The following METTL15 variants were observed in gnomAD, a reference collection of about 807,000 sequenced individuals.
METTL15 encodes methyltransferase 15, mitochondrial 12S rRNA N4-cytidine.
Under a neutral mutation model 38.3 loss-of-function variants are expected in METTL15, and 34 were observed. The ratio of observed to expected loss-of-function variants is 0.89; its 90% CI spans 0.68 to 1.18. The LOEUF (loss-of-function observed/expected upper bound fraction) is 1.18, where lower values mean the gene tolerates loss of function less well. Ranked by LOEUF, METTL15 falls within the 50% of genes most tolerant of loss-of-function variation. METTL15 has a pLI of 0.00. For missense variants in METTL15, 438 were observed against 498.4 expected (o/e 0.88, Z 1.15); for synonymous variants, 162 against 170.9 (o/e 0.95, Z 0.41).
chr11:28,394,359 T>C (rs1342384517), intron 5 of METTL15, among the ~76,000 whole-genome samples: 1 of 152,110 alleles, frequency 6.6e-6, no homozygotes, highest in Non-Finnish European at 1.5e-5. Context: ...TGCTGAGGGA[T>C]GTGAGTGAAC....
At chr11:28,137,795 T>G (rs1030192544) in intron 3 of METTL15, among the ~76,000 whole-genome samples, 1 of 152,172 alleles carries the variant, frequency 6.6e-6, no homozygotes, top group Non-Finnish European at 1.5e-5. Context: ...TTTATTTTTT[T>G]TTTTTCAAAA....
At chr11:28,203,104 T>C (rs1028039385) in intron 3 of METTL15, among the ~76,000 whole-genome samples, 2 of 152,108 alleles carry the variant, frequency 1.3e-5, no homozygotes, top group Non-Finnish European at 2.9e-5. Flanking sequence ...GGTATGAAAG[T>C]ATAGAGCTAT....
chr11:28,304,366 C>G (rs78032293), intron 6 of METTL15, among the ~76,000 whole-genome samples: 88 of 152,240 alleles, frequency 5.8e-4, no homozygotes, highest in African/African-American at 2.1e-3. Context: ...AAACCATCAT[C>G]TTTTTTCAGC....
In METTL15 at chr11:28,524,265, C is replaced by A. The variant is rs893827240; in HGVS notation, c.*425-2213C>A. Among the ~76,000 whole-genome samples, 4 of 152,188 alleles carry A rather than the reference C, an allele frequency of 2.6e-5. No homozygotes were observed. In the East Asian group the frequency reaches 5.8e-4, roughly 22 times the overall value. Reference sequence around the variant, plus strand: ...TGAAATCTAAAGAGGTTTTGAGTAACAGTGACTCATGCAGATAGAGCTCTG... The same window carrying A: ...TGAAATCTAAAGAGGTTTTGAGTAAAAGTGACTCATGCAGATAGAGCTCTG... On this transcript the variant is annotated intron_variant and NMD_transcript_variant, in intron 6 of 7. Transcript: ENST00000532947.
At chr11:28,351,810 AG>A (rs1850043984) in intron 3 of METTL15, among the ~76,000 whole-genome samples, 2 of 152,360 alleles carry the variant, frequency 1.3e-5, no homozygotes, top group South Asian at 4.1e-4. Context: ...TCTTAAAGAA[AG>A]AAAGCTCACA....
At chr11:28,428,341 A>T (rs1010539593) in intron 6 of METTL15, among the ~76,000 whole-genome samples, 4 of 152,180 alleles carry the variant, frequency 2.6e-5, no homozygotes, top group African/African-American at 7.2e-5. Flanking sequence ...ATATGATATT[A>T]TGGTCTTTTG....
chr11:28,372,861 T>C (rs1196105708), intron 5 of METTL15, among the ~76,000 whole-genome samples: 2 of 142,220 alleles, frequency 1.4e-5, no homozygotes, highest in Non-Finnish European at 3.0e-5. Flanking sequence ...TGAGTGAGAA[T>C]ATGCGGTGTT....
At chr11:28,271,965 G>A (rs1457696780) in intron 4 of METTL15, among the ~76,000 whole-genome samples, 2 of 152,132 alleles carry the variant, frequency 1.3e-5, no homozygotes, top group East Asian at 3.9e-4. Context: ...ATGAAAAAAA[G>A]GTTATCATCA....
intron 5 of METTL15, among the ~76,000 whole-genome samples, chr11:28,413,387 A>G (rs2133414581): frequency 6.6e-6 from 1 of 152,282 alleles, no homozygotes; most frequent in South Asian, 2.1e-4. Context: ...CTGATTTTGG[A>G]AAGACACATT....
At chr11:28,345,400 G>C (rs1849987897) in intron 3 of METTL15, among the ~76,000 whole-genome samples, 1 of 152,182 alleles carries the variant, frequency 6.6e-6, no homozygotes, top group African/African-American at 2.4e-5. Context: ...ATGTTAGCCA[G>C]GCTGGTCTTG....
intron 6 of METTL15, among the ~76,000 whole-genome samples, chr11:28,323,215 A>G (rs1356293699): frequency 6.6e-6 from 1 of 152,062 alleles, no homozygotes; most frequent in African/African-American, 2.4e-5. Context: ...CTTTTTTTTA[A>G]CAATGACTGT....
At chr11:28,236,176 A>G (rs1853958304) in intron 4 of METTL15, among the ~76,000 whole-genome samples, 1 of 152,096 alleles carries the variant, frequency 6.6e-6, no homozygotes, top group Non-Finnish European at 1.5e-5. Context: ...CATGGTGGAT[A>G]AGCTTTTTGA....
intron 4 of METTL15, among the ~76,000 whole-genome samples, chr11:28,282,450 AAG>A (rs1297213951): frequency 6.6e-6 from 1 of 152,190 alleles, no homozygotes. Context: ...TAAATATAAA[AAG>A]AGTATGATAT....
chr11:28,290,119 G>T, intron 4 of METTL15, 87 bp from the exon 5 acceptor site: 1 of 1,089,622 alleles, frequency 9.2e-7, no homozygotes. Context: ...TGTAATAATA[G>T]AATGTGCTCC....
At chr11:28,160,808 C>T (rs1235623728) in intron 3 of METTL15, among the ~76,000 whole-genome samples, 1 of 151,840 alleles carries the variant, frequency 6.6e-6, no homozygotes, top group African/African-American at 2.4e-5. Flanking sequence ...AATAAACAAA[C>T]CAAGAGTAAA....
At chr11:28,155,252 T>C (rs1444301227) in intron 3 of METTL15, among the ~76,000 whole-genome samples, 1 of 152,170 alleles carries the variant, frequency 6.6e-6, no homozygotes, top group Non-Finnish European at 1.5e-5. Context: ...TGCTCTCCAA[T>C]AGGAATATGG....
intron 5 of METTL15, among the ~76,000 whole-genome samples, chr11:28,377,538 G>T (rs1316828208): frequency 6.6e-6 from 1 of 151,542 alleles, no homozygotes; most frequent in Non-Finnish European, 1.5e-5. Context: ...CTCTGTATTG[G>T]TTATTCTAGT....
chr11:28,342,770 T>G (rs1849964373), intron 3 of METTL15, among the ~76,000 whole-genome samples: 1 of 152,192 alleles, frequency 6.6e-6, no homozygotes, highest in Non-Finnish European at 1.5e-5. Context: ...CTAAATGGGA[T>G]TTTTCAGTAT....
intron 6 of METTL15, among the ~76,000 whole-genome samples, chr11:28,515,387 A>T (rs146820729): frequency 3.6e-4 from 55 of 152,330 alleles, no homozygotes; most frequent in African/African-American, 1.3e-3. Flanking sequence ...TTCCTATTAT[A>T]TTCATGTAAC....
Sources: gnomAD v4.1 joint callset for allele counts (sites outside exome capture counted in the v4.1 genomes callset) on GRCh38, gnomAD v4.1.1 for gene constraint, MANE v1.5 for transcripts, NCBI Gene and HGNC (gene_info 2026-07-23, HGNC 2026-07-21) for gene names.